Variants in NALCN observed in about 807,000 individuals in gnomAD.
NALCN encodes sodium leak channel NALCN.
In NALCN, 111 loss-of-function variants were observed where a neutral mutation model predicts 225.3. The observed-to-expected ratio is 0.49, with a 90% confidence interval of 0.42 to 0.58. The LOEUF (loss-of-function observed/expected upper bound fraction) is 0.58, where lower values mean the gene tolerates loss of function less well. NALCN is among the 20% of genes least tolerant of loss of function. NALCN has a pLI of 0.00. For missense variants in NALCN, 1,378 were observed against 2,202.4 expected (o/e 0.63, Z 7.49); for synonymous variants, 764 against 769.0 (o/e 0.99, Z 0.11).
intron 30 of NALCN, among the ~76,000 whole-genome samples, chr13:101,085,588 G>A (rs2033889587): frequency 6.6e-6 from 1 of 152,108 alleles, no homozygotes; most frequent in Non-Finnish European, 1.5e-5. Flanking sequence ...AATGTTTGAG[G>A]TGATAGATAT....
chr13:101,306,197 GCTGA>G (rs377343901), intron 7 of NALCN, among the ~76,000 whole-genome samples: 120 of 152,258 alleles, frequency 7.9e-4, no homozygotes, highest in Non-Finnish European at 1.6e-3. Context: ...GACCTGCTTT[GCTGA>G]CTAAGGATGC....
At chr13:101,125,982 A>G (rs2036209165) in intron 17 of NALCN, among the ~76,000 whole-genome samples, 1 of 152,370 alleles carries the variant, frequency 6.6e-6, no homozygotes, top group Non-Finnish European at 1.5e-5. Flanking sequence ...CTCTGTATTC[A>G]GTAAAAATAG....
chr13:101,057,685 T>A, intron 43 of NALCN: 1 of 482,034 alleles, frequency 2.1e-6, no homozygotes, highest in Non-Finnish European at 3.7e-6. Context: ...AATCTTGTCT[T>A]TTTCATAGGT....
chr13:101,229,691 C>T, intron 12 of NALCN, 107 bp from the exon 13 acceptor site: 1 of 949,528 alleles, frequency 1.1e-6, no homozygotes, highest in Non-Finnish European at 1.4e-6. Flanking sequence ...TTATGAAAAT[C>T]ATACCTCTCT....
chr13:101,334,743 AATGT>A (rs2045321394), intron 7 of NALCN, among the ~76,000 whole-genome samples: 2 of 152,178 alleles, frequency 1.3e-5, no homozygotes, highest in South Asian at 4.1e-4. Context: ...ATGAGCACAG[AATGT>A]ATATATGCCT....
At chr13:101,141,090 T>C (rs2037055367) in intron 17 of NALCN, among the ~76,000 whole-genome samples, 2 of 152,164 alleles carry the variant, frequency 1.3e-5, no homozygotes, top group South Asian at 2.1e-4. Flanking sequence ...ATCTAATTAG[T>C]GTCCTGGAAG....
chr13:101,256,522 T>C (rs909202664), intron 11 of NALCN, among the ~76,000 whole-genome samples: 5 of 152,220 alleles, frequency 3.3e-5, no homozygotes, highest in African/African-American at 1.2e-4. Context: ...TCCATAGTCC[T>C]AAATGGATCT....
At chr13:101,144,918 GA>G (rs148841720) in intron 15 of NALCN, 22 bp from the exon 16 acceptor site, 9 of 1,581,184 alleles carry the variant, frequency 5.7e-6, no homozygotes, top group Admixed American at 2.0e-5. Context: ...TTGGAAAGAA[GA>G]AAAAAAGGGG....
intron 7 of NALCN, among the ~76,000 whole-genome samples, chr13:101,330,487 C>T (rs114535062): frequency 1.7e-3 from 265 of 152,254 alleles, no homozygotes; most frequent in African/African-American, 6.1e-3. Flanking sequence ...GAACCCTGGC[C>T]TCCAGCTCAG....
intron 7 of NALCN, among the ~76,000 whole-genome samples, chr13:101,314,381 A>T (rs1376538474): frequency 6.6e-6 from 1 of 152,118 alleles, no homozygotes; most frequent in East Asian, 1.9e-4. Flanking sequence ...AGCTGCATCA[A>T]TCAGAGACAC....
intron 11 of NALCN, among the ~76,000 whole-genome samples, chr13:101,241,163 G>C (rs185827517): frequency 6.6e-6 from 1 of 152,352 alleles, no homozygotes; most frequent in Admixed American, 6.5e-5. Flanking sequence ...GTGCTGTTCA[G>C]ATCAGGTTTC....
chr13:101,323,880 T>A (rs919712699), intron 7 of NALCN, among the ~76,000 whole-genome samples: 2 of 152,178 alleles, frequency 1.3e-5, no homozygotes, highest in African/African-American at 4.8e-5. Context: ...AATAAGGTAT[T>A]TTTTCAAATG....
At chr13:101,312,373 T>G (rs2044378804) in intron 7 of NALCN, among the ~76,000 whole-genome samples, 1 of 151,954 alleles carries the variant, frequency 6.6e-6, no homozygotes, top group Non-Finnish European at 1.5e-5. Flanking sequence ...AGTTCTGCTC[T>G]GATTTTAGCT....
At chr13:101,079,673 G>A (rs1473515222) in intron 34 of NALCN, among the ~76,000 whole-genome samples, 2 of 152,196 alleles carry the variant, frequency 1.3e-5, no homozygotes, top group South Asian at 2.1e-4. Context: ...AGGTTCACAA[G>A]AGCAGCAACT....
At chr13:101,091,840 G>C (rs1480962342) in intron 28 of NALCN, among the ~76,000 whole-genome samples, 1 of 152,106 alleles carries the variant, frequency 6.6e-6, no homozygotes, top group Non-Finnish European at 1.5e-5. Context: ...TTATGTTCTA[G>C]ATCTTCTAGA....
At chr13:101,159,994 G>T (rs371700701) in intron 15 of NALCN, among the ~76,000 whole-genome samples, 1 of 151,158 alleles carries the variant, frequency 6.6e-6, no homozygotes, top group East Asian at 1.9e-4. Context: ...TCATTCTGTC[G>T]CCCAGGCTGA....
chr13:101,082,990 C>A, intron 32 of NALCN, 102 bp downstream of exon 32: 1 of 1,552,748 alleles, frequency 6.4e-7, no homozygotes, highest in Non-Finnish European at 8.9e-7. Context: ...AATTTTTACA[C>A]CCAAGAACAT....
intron 26 of NALCN, among the ~76,000 whole-genome samples, chr13:101,101,690 G>A (rs559606931): frequency 7.2e-5 from 11 of 152,238 alleles, no homozygotes; most frequent in African/African-American, 2.6e-4. Flanking sequence ...GAGGAGAGGA[G>A]AGAATTCAGT....
chr13:101,246,233 T>TA (rs2041892176), intron 11 of NALCN, among the ~76,000 whole-genome samples: 1 of 152,178 alleles, frequency 6.6e-6, no homozygotes, highest in Non-Finnish European at 1.5e-5. Context: ...GCCTATGAGA[T>TA]AAAATGGTAG....
Sources: allele counts gnomAD v4.1 joint callset (sites outside exome capture counted in the v4.1 genomes callset), GRCh38; gene constraint gnomAD v4.1.1; transcripts MANE v1.5; gene names NCBI Gene and HGNC (gene_info 2026-07-23, HGNC 2026-07-21).